Variants in ANO3 observed in about 807,000 individuals in gnomAD.
The protein encoded by ANO3 is anoctamin-3.
ANO3 carries 99 observed loss-of-function variants against 144.8 expected under a neutral mutation model. The observed-to-expected ratio is 0.68, with a 90% confidence interval of 0.58 to 0.81. The LOEUF is 0.81. Among genes scored for constraint, ANO3 ranks in the 30% least tolerant of loss-of-function variants. The pLI, the probability that ANO3 is intolerant of heterozygous loss-of-function variation, is 0.00. For missense variants in ANO3, 905 were observed against 1,202.2 expected (o/e 0.75, Z 3.66); for synonymous variants, 414 against 392.6 (o/e 1.05, Z -0.64).
chr11:26,262,262 C>T (rs1289513555), intron 1 of ANO3, among the ~76,000 whole-genome samples: 2 of 152,142 alleles, frequency 1.3e-5, no homozygotes, highest in Non-Finnish European at 2.9e-5. Flanking sequence ...TATCTATGTA[C>T]TCTTCTCCCT....
chr11:26,264,250 G>A (rs1418003518), intron 1 of ANO3, among the ~76,000 whole-genome samples: 3 of 152,070 alleles, frequency 2.0e-5, no homozygotes. Flanking sequence ...TCAATCTATT[G>A]AATAATTTTA....
At chr11:26,543,198 G>A (rs1849689499) in intron 11 of ANO3, among the ~76,000 whole-genome samples, 1 of 152,026 alleles carries the variant, frequency 6.6e-6, no homozygotes, top group Non-Finnish European at 1.5e-5. Context: ...ACCTTAGGAA[G>A]AAGACAGCCA....
At chr11:26,263,325 C>T (rs1019029853) in intron 1 of ANO3, among the ~76,000 whole-genome samples, 1 of 152,200 alleles carries the variant, frequency 6.6e-6, no homozygotes, top group African/African-American at 2.4e-5. Context: ...GAGAAAGAAA[C>T]CAGAGGATTT....
intron 1 of ANO3, among the ~76,000 whole-genome samples, chr11:26,237,265 C>T (rs532531851): frequency 1.4e-4 from 22 of 152,190 alleles, no homozygotes; most frequent in South Asian, 6.2e-4. Flanking sequence ...TCTTTTGTAA[C>T]CTGCAAAATT....
At chr11:26,575,698 T>G (rs1387133353) in intron 14 of ANO3, among the ~76,000 whole-genome samples, 1 of 152,198 alleles carries the variant, frequency 6.6e-6, no homozygotes, top group East Asian at 1.9e-4. Context: ...ACACAATCAT[T>G]TTCAAAACCA....
At chr11:26,408,157 C>T (rs1387699925) in intron 1 of ANO3, among the ~76,000 whole-genome samples, 2 of 151,846 alleles carry the variant, frequency 1.3e-5, no homozygotes, top group Non-Finnish European at 2.9e-5. Context: ...TTCTGCACAG[C>T]AAAAGAAACT....
chr11:26,289,743 T>C (rs1410551479), intron 1 of ANO3, among the ~76,000 whole-genome samples: 1 of 147,390 alleles, frequency 6.8e-6, no homozygotes, highest in African/African-American at 2.5e-5. Context: ...TATGTGTATA[T>C]ATATTCTATA....
intron 2 of ANO3, 102 bp downstream of exon 2, chr11:26,442,214 TTCAGGAAGGAGGCTG>T: frequency 8.6e-7 from 1 of 1,157,834 alleles, no homozygotes; most frequent in Non-Finnish European, 1.2e-6. Flanking sequence ...TATAGAGCTC[TTCAGGAAGGAGGCTG>T]GCATAGAAAG....
intron 1 of ANO3, among the ~76,000 whole-genome samples, chr11:26,377,661 T>G (rs1304328049): frequency 6.6e-6 from 1 of 152,070 alleles, no homozygotes; most frequent in Admixed American, 6.6e-5. Context: ...GACATAAATC[T>G]TCAATTTCAG....
At chr11:26,504,713 C>T (rs118179739) in intron 4 of ANO3, among the ~76,000 whole-genome samples, 11,333 of 152,122 alleles carry the variant, frequency 0.074, 601 homozygotes, top group Admixed American at 0.13. Context: ...ATGTTGAGAA[C>T]AAACTATAGA....
At chr11:26,295,508 T>C (rs1478724634) in intron 1 of ANO3, among the ~76,000 whole-genome samples, 1 of 115,864 alleles carries the variant, frequency 8.6e-6, no homozygotes, top group Non-Finnish European at 1.6e-5. Context: ...AGAGTGAGAC[T>C]CTGTCTCAAA....
At chr11:26,500,471 C>A (rs559441796) in intron 4 of ANO3, among the ~76,000 whole-genome samples, 2 of 152,064 alleles carry the variant, frequency 1.3e-5, no homozygotes, top group East Asian at 1.9e-4. Context: ...TATTTTTTGT[C>A]TTTTTCATTA....
At chr11:26,315,082 T>C (rs992401369) in intron 1 of ANO3, among the ~76,000 whole-genome samples, 1 of 148,588 alleles carries the variant, frequency 6.7e-6, no homozygotes, top group African/African-American at 2.5e-5. Flanking sequence ...CCTAGGTAGG[T>C]CTATATTATG....
intron 1 of ANO3, among the ~76,000 whole-genome samples, chr11:26,403,945 C>T (rs1026630929): frequency 6.6e-6 from 1 of 151,824 alleles, no homozygotes; most frequent in South Asian, 2.1e-4. Flanking sequence ...TCATCCTTCA[C>T]CTCCTCAGAA....
chr11:26,571,629 CT>C (rs957101709), intron 14 of ANO3, among the ~76,000 whole-genome samples: 2 of 152,026 alleles, frequency 1.3e-5, no homozygotes, highest in African/African-American at 4.8e-5. Flanking sequence ...AAGCAAAAAC[CT>C]TTCAGCACAA....
At chr11:26,536,934 C>A (rs76433824) in intron 9 of ANO3, among the ~76,000 whole-genome samples, 3,551 of 151,708 alleles carry the variant, frequency 0.023, 84 homozygotes, top group Admixed American at 0.076. Context: ...ATAAGTGTCT[C>A]ATATTGCTAT....
At chr11:26,598,785 C>G in intron 15 of ANO3, 73 bp from the exon 16 acceptor site, 1 of 1,466,416 alleles carries the variant, frequency 6.8e-7, no homozygotes, top group Non-Finnish European at 9.2e-7. Context: ...TTAGGAGTAT[C>G]GTATCAATTC....
At chr11:26,390,298 T>G (rs1474838850) in intron 1 of ANO3, among the ~76,000 whole-genome samples, 1 of 152,160 alleles carries the variant, frequency 6.6e-6, no homozygotes. Context: ...GAAAACAGAT[T>G]TTTCCCCCTC....
intron 1 of ANO3, among the ~76,000 whole-genome samples, chr11:26,311,723 T>C (rs569602462): frequency 3.3e-4 from 51 of 152,298 alleles, no homozygotes; most frequent in Non-Finnish European, 6.0e-4. Flanking sequence ...AATTATCTCC[T>C]GTACTCTGAT....
Sources: allele counts gnomAD v4.1 joint callset (sites outside exome capture counted in the v4.1 genomes callset), GRCh38; gene constraint gnomAD v4.1.1; transcripts MANE v1.5; gene names NCBI Gene and HGNC (gene_info 2026-07-23, HGNC 2026-07-21).